CACNB4: variants seen among roughly 807,000 people sequenced by gnomAD.
CACNB4 encodes the protein calcium voltage-gated channel auxiliary subunit beta 4, also known as voltage-dependent L-type calcium channel subunit beta-4.
Under a neutral mutation model 71.2 loss-of-function variants are expected in CACNB4, and 32 were observed. That is an observed-to-expected ratio of 0.45 (90% CI 0.34 to 0.60). The LOEUF (loss-of-function observed/expected upper bound fraction) is 0.60, where lower values mean the gene tolerates loss of function less well. CACNB4 is among the 20% of genes least tolerant of loss of function. The pLI is 0.01. For synonymous variants in CACNB4, 231 were observed against 236.9 expected (o/e 0.97, Z 0.23); for missense variants, 464 against 647.9 (o/e 0.72, Z 3.08).
At chr2:151,882,884 A>G in intron 3 of CACNB4, 1 of 314,708 alleles carries the variant, frequency 3.2e-6, no homozygotes, top group African/African-American at 2.1e-5. Context: ...GAACAACAGC[A>G]CACGTGTGGC....
intron 2 of CACNB4, among the ~76,000 whole-genome samples, chr2:151,997,260 C>T (rs935967857): frequency 2.0e-5 from 3 of 152,170 alleles, no homozygotes; most frequent in African/African-American, 2.4e-5. Flanking sequence ...GGGGGCCAGG[C>T]GCAGTGGCTC....
chr2:151,947,552 G>C (rs1233795377), intron 2 of CACNB4, among the ~76,000 whole-genome samples: 1 of 152,164 alleles, frequency 6.6e-6, no homozygotes, highest in African/African-American at 2.4e-5. Flanking sequence ...TTCAGAAACA[G>C]GTCCCAAGTG....
intron 8 of CACNB4, chr2:151,870,252 T>G: frequency 1.4e-6 from 1 of 703,034 alleles, no homozygotes; most frequent in Non-Finnish European, 2.6e-6. Context: ...TTTCTTTGCA[T>G]TTAATGTACA....
At chr2:152,079,977 T>C (rs1307187291) in intron 2 of CACNB4, among the ~76,000 whole-genome samples, 1 of 152,186 alleles carries the variant, frequency 6.6e-6, no homozygotes, top group Non-Finnish European at 1.5e-5. Context: ...ATCACAGGCA[T>C]TTCTGAACCA....
At chr2:152,017,772 C>A (rs1334274274) in intron 2 of CACNB4, among the ~76,000 whole-genome samples, 1 of 151,912 alleles carries the variant, frequency 6.6e-6, no homozygotes, top group African/African-American at 2.4e-5. Flanking sequence ...CTCTCATATA[C>A]TGTATTCCTT....
Position 151,832,923 on chromosome 2 carries a change from A to AACACC in CACNB4, c.*6191_*6195dup, listed in dbSNP as rs2099834127. ...TGTTAATGTTTTTATTCACAAAAAT[A>AACACC]ACACCACGTTTTTTTCTTTAAAGCC... On this transcript the variant is annotated 3_prime_UTR_variant, in exon 14 of 14. Transcript: ENST00000539935. 1 of 152,218 alleles carries AACACC rather than the reference A, an allele frequency of 6.6e-6. No individual in the cohort carries two copies. Among genetic ancestry groups the AACACC allele is most frequent in the Non-Finnish European group, 1.5e-5 (1 of 68,020 alleles). The allele number at this position is 152,218 out of a possible 1,614,324, so 9.4% of individuals were successfully genotyped here. A position where few individuals can be genotyped will look rare whatever the true frequency, so the allele number is the denominator to read the frequency against.
In CACNB4 at chr2:152,043,659, T is replaced by C. The variant is rs570984671; in HGVS notation, c.147+54671A>G. 8.5e-5 allele frequency among the ~76,000 whole-genome samples: 13 copies of C among 152,102 alleles called. No individual in the cohort carries two copies. The South Asian group carries it at 2.7e-3, about 32-fold the overall frequency. ...TTCACACTTAAAGTGAGAGGGACTA[T>C]GTGCGTGTATACACGTATACATACA... On this transcript the variant is annotated intron_variant, in intron 2 of 13. Transcript: ENST00000539935.
intron 2 of CACNB4, among the ~76,000 whole-genome samples, chr2:151,998,056 C>T (rs186346781): frequency 6.6e-6 from 1 of 152,206 alleles, no homozygotes; most frequent in East Asian, 1.9e-4. Flanking sequence ...GGCATGGTGG[C>T]TCATGTCTGT....
chr2:151,988,758 C>T (rs189996580), intron 2 of CACNB4, among the ~76,000 whole-genome samples: 84 of 152,206 alleles, frequency 5.5e-4, no homozygotes, highest in African/African-American at 1.9e-3. Flanking sequence ...ATCATGGGGG[C>T]TCCACCCTCC....
At chr2:151,888,516 T>A (rs1021238297) in intron 2 of CACNB4, among the ~76,000 whole-genome samples, 2 of 152,026 alleles carry the variant, frequency 1.3e-5, no homozygotes, top group African/African-American at 2.4e-5. Flanking sequence ...CAGTGAGCCA[T>A]GATGATGCCA....
chr2:151,981,599 A>C (rs1475008305), intron 2 of CACNB4, among the ~76,000 whole-genome samples: 1 of 152,194 alleles, frequency 6.6e-6, no homozygotes. Flanking sequence ...TATTTTCCTC[A>C]GAACATATTT....
intron 2 of CACNB4, among the ~76,000 whole-genome samples, chr2:151,896,997 A>T (rs1334873930): frequency 6.6e-6 from 1 of 152,220 alleles, no homozygotes; most frequent in Non-Finnish European, 1.5e-5. Flanking sequence ...TGCCCAGCAG[A>T]AGTGTTGGTA....
chr2:151,966,898 A>C (rs2099871262), intron 2 of CACNB4, among the ~76,000 whole-genome samples: 1 of 152,126 alleles, frequency 6.6e-6, no homozygotes, highest in Non-Finnish European at 1.5e-5. Context: ...AATCTTCAAA[A>C]CCACCCAAAA....
chr2:151,863,715 G>A (rs768729787), intron 9 of CACNB4, among the ~76,000 whole-genome samples: 2 of 151,792 alleles, frequency 1.3e-5, no homozygotes, highest in Non-Finnish European at 1.5e-5. Flanking sequence ...TTTCAAACAC[G>A]ACCAAAGTTT....
rs907695737 is a variant in CACNB4, at chr2:151,834,750, C to T, written c.*4369G>A. The T allele has an allele frequency of 4.0e-5, 6 of 151,672 alleles. No individual in the cohort carries two copies. The highest frequency in any genetic ancestry group is 7.4e-5 in the Non-Finnish European group (5 of 67,778). The allele number at this position is 151,672 out of a possible 1,614,324, so 9.4% of individuals were successfully genotyped here. A position where few individuals can be genotyped will look rare whatever the true frequency, so the allele number is the denominator to read the frequency against. On this transcript the variant is annotated 3_prime_UTR_variant, in exon 14 of 14. Transcript: ENST00000539935. ...TTTAAAGAAGAGGACTGTTCTCTGC[C>T]CCATAGACACAGCTTGAGTAAGTAA... is the stretch of plus-strand genomic sequence containing the variant.
intron 2 of CACNB4, among the ~76,000 whole-genome samples, chr2:151,939,408 C>T (rs1395604584): frequency 6.6e-6 from 1 of 152,128 alleles, no homozygotes; most frequent in African/African-American, 2.4e-5. Context: ...GGAGGTGAAA[C>T]AAGGCCTGAC....
At chr2:151,855,062 T>G in intron 11 of CACNB4, 162 bp downstream of exon 11, 1 of 452,878 alleles carries the variant, frequency 2.2e-6, no homozygotes, top group Non-Finnish European at 3.9e-6. Context: ...TATTCTTCAC[T>G]ATCTGAAAAT....
At chr2:152,048,557 C>G (rs1685254027) in intron 2 of CACNB4, 1 of 152,288 alleles carries the variant, frequency 6.6e-6, no homozygotes, top group Non-Finnish European at 1.5e-5. Flanking sequence ...GTTGGCAGAG[C>G]TAGCACTTTG....
At chr2:151,971,620 C>T (rs2099872573) in intron 2 of CACNB4, 1 of 702,810 alleles carries the variant, frequency 1.4e-6, no homozygotes, top group African/African-American at 1.7e-5. Flanking sequence ...TGTCACTTCA[C>T]CAGGTCAGCT....
Sources: allele counts gnomAD v4.1 joint callset (sites outside exome capture counted in the v4.1 genomes callset), GRCh38; gene constraint gnomAD v4.1.1; transcripts MANE v1.5; gene names NCBI Gene and HGNC (gene_info 2026-07-23, HGNC 2026-07-21).